Variants in PMVK observed in about 807,000 individuals in gnomAD.
PMVK encodes phosphomevalonate kinase.
Under a neutral mutation model 19.0 loss-of-function variants are expected in PMVK, and 10 were observed. That is an observed-to-expected ratio of 0.53 (90% CI 0.32 to 0.89). PMVK has a LOEUF of 0.89. PMVK is among the 40% of genes least tolerant of loss of function. The probability of loss-of-function intolerance (pLI) is 0.03; values close to 1 mark genes in which losing one functional copy is unlikely to be tolerated. For synonymous variants in PMVK, 108 were observed against 101.6 expected (o/e 1.06, Z -0.38); for missense variants, 222 against 251.1 (o/e 0.88, Z 0.78).
intron 1 of PMVK, among the ~76,000 whole-genome samples, chr1:154,934,284 C>A (rs1654432819): frequency 6.6e-6 from 1 of 152,172 alleles, no homozygotes; most frequent in African/African-American, 2.4e-5. Context: ...CAGGCGTGAG[C>A]CACTGCGCCC....
At position 154,925,224 on chromosome 1, in the gene PMVK, C is replaced by T. The variant is rs959646389; in HGVS notation, c.484G>A (p.Gly162Arg). The change falls in exon 5 of 5, where the codon GGG becomes AGG. Residue 162 changes from glycine to arginine, a missense_variant. Physicochemically the swap from Gly to Arg is moderately radical, Grantham distance 125 (BLOSUM62 -2). Transcript: ENST00000368467. ...TTCTCGATGACCCAGTCAAAGTCCCCGAAGTTGTCCAGGCCACATTCTGAC... is the reference window on the plus strand; with the variant it reads ...TTCTCGATGACCCAGTCAAAGTCCCTGAAGTTGTCCAGGCCACATTCTGAC... ...AESECGLDNF[G>R]DFDWVIENHG... The T allele has an allele frequency of 2.5e-6, 4 of 1,614,118 alleles. No individual in the cohort carries two copies. The highest frequency in any genetic ancestry group is 2.7e-5 in the African/African-American group (2 of 75,038).
At chr1:154,928,145 G>C (rs1045472599) in intron 3 of PMVK, among the ~76,000 whole-genome samples, 1 of 152,218 alleles carries the variant, frequency 6.6e-6, no homozygotes, top group African/African-American at 2.4e-5. Flanking sequence ...GGGAGCACCA[G>C]TTAAGACCTG....
upstream of PMVK, among the ~76,000 whole-genome samples, chr1:154,938,696 C>T (rs1296182328): frequency 6.6e-6 from 1 of 152,160 alleles, no homozygotes; most frequent in East Asian, 1.9e-4. Context: ...TTTAGTCTCC[C>T]AGCCCTCATC....
chr1:154,936,387 G>A, intron 1 of PMVK: 2 of 985,212 alleles, frequency 2.0e-6, no homozygotes, highest in Non-Finnish European at 2.4e-6. Context: ...CTTTGGAGAG[G>A]TGGTCACCTG....
chr1:154,941,683 G>C (rs977138528), upstream of PMVK, among the ~76,000 whole-genome samples: 1 of 152,196 alleles, frequency 6.6e-6, no homozygotes, highest in Non-Finnish European at 1.5e-5. Flanking sequence ...CCTTCCAGAA[G>C]CCAATAGGGG....
upstream of PMVK, among the ~76,000 whole-genome samples, chr1:154,940,287 T>C (rs1654615225): frequency 6.6e-6 from 1 of 152,098 alleles, no homozygotes; most frequent in African/African-American, 2.4e-5. Context: ...TTGAACAGAG[T>C]CTCAGTGATG....
At chr1:154,931,330 G>A (rs1001881109) in intron 2 of PMVK, among the ~76,000 whole-genome samples, 5 of 152,150 alleles carry the variant, frequency 3.3e-5, no homozygotes, top group South Asian at 2.1e-4. Context: ...AAAATGTGGC[G>A]ACAAGAGGGC....
chr1:154,936,801 C>T (rs911652706), upstream of PMVK: 2 of 900,964 alleles, frequency 2.2e-6, no homozygotes, highest in Non-Finnish European at 3.4e-6. Context: ...AACAATCGCG[C>T]CCCTCCTCGC....
At chr1:154,930,460 C>T (rs1654301150) in intron 2 of PMVK, among the ~76,000 whole-genome samples, 1 of 152,168 alleles carries the variant, frequency 6.6e-6, no homozygotes, top group South Asian at 2.1e-4. Context: ...GACTCCGTCT[C>T]AAATATAAAT....
At chr1:154,932,164 G>A (rs899684799) in intron 2 of PMVK, among the ~76,000 whole-genome samples, 188 bp downstream of exon 2, 12 of 152,156 alleles carry the variant, frequency 7.9e-5, no homozygotes, top group Non-Finnish European at 1.6e-4. Flanking sequence ...AAGGGAGGGA[G>A]GCTATTAGGA....
chr1:154,938,053 A>G (rs1654566516), upstream of PMVK: 1 of 152,262 alleles, frequency 6.6e-6, no homozygotes, highest in African/African-American at 2.4e-5. Flanking sequence ...TAAGTTCTCA[A>G]GTATCATCCA....
At chr1:154,939,639 A>G (rs1654600129), upstream of PMVK, among the ~76,000 whole-genome samples, 1 of 150,462 alleles carries the variant, frequency 6.6e-6, no homozygotes, top group South Asian at 2.1e-4. Context: ...TGGAGCTTGC[A>G]GTGAGCGGAG....
chr1:154,938,908 G>A (rs921379918), upstream of PMVK, among the ~76,000 whole-genome samples: 1 of 152,096 alleles, frequency 6.6e-6, no homozygotes, highest in Non-Finnish European at 1.5e-5. Context: ...TTATGCAGAC[G>A]GGGTCTTGCT....
intron 1 of PMVK, among the ~76,000 whole-genome samples, chr1:154,933,251 C>T (rs572184181): frequency 3.9e-5 from 6 of 152,086 alleles, no homozygotes; most frequent in Admixed American, 2.6e-4. Context: ...CTGACCAACA[C>T]GGTGAAACCC....
At chr1:154,935,425 G>A (rs2101974068) in intron 1 of PMVK, among the ~76,000 whole-genome samples, 1 of 152,276 alleles carries the variant, frequency 6.6e-6, no homozygotes, top group East Asian at 1.9e-4. Context: ...CCAGGTCTCA[G>A]CAAAATGCTC....
Position 154,936,649 on chromosome 1 carries a change from G to C in PMVK, c.37C>G (p.Leu13Val). The change falls in exon 1 of 5, where the codon CTG (leucine) becomes GTG (valine). Residue 13 changes from leucine to valine, a missense_variant. Transcript: ENST00000368467. The part of the protein sequence containing the change: ...PLGGAPRLVL[L>V]FSGKRKSGKD... ...CCGGATTTCCTCTTGCCGCTGAACA[G>C]CAGTACCAGCCGCGGGGCGCCTCCC... 6.2e-7 allele frequency: 1 copy of C among 1,609,074 alleles called. No individual in the cohort carries two copies. The highest frequency in any genetic ancestry group is 8.5e-7 in the Non-Finnish European group (1 of 1,178,188).
At chr1:154,938,611 A>AG (rs1407509018), upstream of PMVK, among the ~76,000 whole-genome samples, 3 of 151,944 alleles carry the variant, frequency 2.0e-5, no homozygotes, top group Admixed American at 2.0e-4. Flanking sequence ...ATAAAAAAAA[A>AG]CTTCCCCCAT....
At chr1:154,930,261 C>G (rs541848272) in intron 2 of PMVK, among the ~76,000 whole-genome samples, 4 of 152,196 alleles carry the variant, frequency 2.6e-5, no homozygotes, top group African/African-American at 9.6e-5. Context: ...AGTTCAAGAC[C>G]AGCCTGACCA....
rs1654341202 is a variant in PMVK at position 154,931,774 on chromosome 1, T to C, written c.159+578A>G. Among the ~76,000 whole-genome samples, 5 of 152,232 alleles carry C rather than the reference T, an allele frequency of 3.3e-5. No homozygotes were observed. In the South Asian group the frequency reaches 1.0e-3, roughly 32 times the overall value. ...TTCTATATCTTGGTATTGGCTTTTT[T>C]TTTTTTTCACTTAATGATATATTTT... On this transcript the variant is annotated intron_variant, in intron 2 of 4. Transcript: ENST00000368467.
Sources: gnomAD v4.1 joint callset for allele counts (sites outside exome capture counted in the v4.1 genomes callset) on GRCh38, gnomAD v4.1.1 for gene constraint, MANE v1.5 for transcripts, NCBI Gene and HGNC (gene_info 2026-07-23, HGNC 2026-07-21) for gene names.